The following GRB10 variants were observed in gnomAD, a reference collection of about 807,000 sequenced individuals.
The protein encoded by GRB10 is growth factor receptor bound protein 10.
In GRB10, 20 loss-of-function variants were observed where a neutral mutation model predicts 80.9. The observed-to-expected ratio is 0.25, with a 90% CI of 0.17 to 0.36. The LOEUF (loss-of-function observed/expected upper bound fraction) is 0.36. Ranked by LOEUF, GRB10 falls within the 10% of genes least tolerant of loss-of-function variation. The probability of loss-of-function intolerance (pLI) is 1.00; values close to 1 mark genes in which losing one functional copy is unlikely to be tolerated. For missense variants in GRB10, 548 were observed against 747.7 expected (o/e 0.73, Z 3.12); for synonymous variants, 291 against 291.5 (o/e 1.00, Z 0.02).
upstream of GRB10, among the ~76,000 whole-genome samples, chr7:50,783,436 T>A (rs1408539475): frequency 2.0e-5 from 3 of 150,228 alleles, no homozygotes; most frequent in Admixed American, 2.0e-4. Flanking sequence ...CACACACACC[T>A]CACACACACA....
intron 7 of GRB10, among the ~76,000 whole-genome samples, chr7:50,659,043 C>A (rs1039517703): frequency 6.6e-6 from 1 of 152,194 alleles, no homozygotes; most frequent in Admixed American, 6.5e-5. Context: ...CAATTTAGCA[C>A]CCTTTCCCAA....
chr7:50,742,298 CACACACACACACACACAT>C (rs2072008913), intron 3 of GRB10, among the ~76,000 whole-genome samples: 4 of 78,742 alleles, frequency 5.1e-5, no homozygotes, highest in South Asian at 8.7e-4. Flanking sequence ...CACACACACA[CACACACACACACACACAT>C]ACACGGCATC....
At chr7:50,743,391 A>G (rs561350910) in intron 3 of GRB10, among the ~76,000 whole-genome samples, 6 of 152,218 alleles carry the variant, frequency 3.9e-5, no homozygotes, top group Non-Finnish European at 8.8e-5. Context: ...TCAATACATG[A>G]TCTTGAATCT....
At chr7:50,774,828 CAA>C (rs1259076395) in intron 2 of GRB10, among the ~76,000 whole-genome samples, 1 of 152,058 alleles carries the variant, frequency 6.6e-6, no homozygotes, top group East Asian at 1.9e-4. Flanking sequence ...ATGTGAGACT[CAA>C]AGATGTGTTT....
intron 2 of GRB10, among the ~76,000 whole-genome samples, chr7:50,777,456 A>ACACACACACACACC (rs1562696424): frequency 6.6e-6 from 1 of 151,388 alleles, no homozygotes; most frequent in Non-Finnish European, 1.5e-5. Flanking sequence ...ACACACACAC[A>ACACACACACACACC]CACCATTGCA....
At chr7:50,622,740 A>ATACTAGT (rs2052043386) in intron 8 of GRB10, among the ~76,000 whole-genome samples, 1 of 151,876 alleles carries the variant, frequency 6.6e-6, no homozygotes, top group African/African-American at 2.4e-5. Context: ...GGGCATCAAG[A>ATACTAGT]TACTAGTTTT....
intron 7 of GRB10, among the ~76,000 whole-genome samples, chr7:50,654,104 C>A (rs1206964968): frequency 1.3e-5 from 2 of 152,190 alleles, no homozygotes. Context: ...GAAGAGACAA[C>A]CCCCTTTGCA....
chr7:50,740,872 G>A (rs150821002), intron 3 of GRB10, among the ~76,000 whole-genome samples: 1 of 149,780 alleles, frequency 6.7e-6, no homozygotes, highest in Non-Finnish European at 1.5e-5. Context: ...TTTAAAAAGG[G>A]AGCTAGAAAA....
At chr7:50,656,125 A>T (rs1383295395) in intron 7 of GRB10, among the ~76,000 whole-genome samples, 1 of 152,258 alleles carries the variant, frequency 6.6e-6, no homozygotes, top group Non-Finnish European at 1.5e-5. Flanking sequence ...AGAGAGGAAC[A>T]GAGGACAGTA....
chr7:50,780,241 G>A (rs2078144783), intron 2 of GRB10, among the ~76,000 whole-genome samples: 1 of 152,148 alleles, frequency 6.6e-6, no homozygotes, highest in Non-Finnish European at 1.5e-5. Flanking sequence ...TGAAATATGA[G>A]AAAATATGGT....
At chr7:50,651,121 T>C (rs10261940) in intron 7 of GRB10, among the ~76,000 whole-genome samples, 1 of 152,000 alleles carries the variant, frequency 6.6e-6, no homozygotes. Context: ...CTATTCCTCC[T>C]ACGGTCTGAT....
chr7:50,604,264 T>C (rs1248013356), intron 16 of GRB10, 47 bp downstream of exon 16: 6 of 1,517,732 alleles, frequency 4.0e-6, no homozygotes, highest in South Asian at 2.2e-5. Context: ...GGGGTGCTGT[T>C]TGATTTTCTT....
chr7:50,781,523 C>T (rs1374755091), intron 1 of GRB10: 1 of 152,286 alleles, frequency 6.6e-6, no homozygotes, highest in African/African-American at 2.4e-5. Context: ...GCCTTTCAGA[C>T]TTAAAAAGAA....
At chr7:50,671,467 T>C (rs2060341496) in intron 6 of GRB10, among the ~76,000 whole-genome samples, 2 of 152,236 alleles carry the variant, frequency 1.3e-5, no homozygotes, top group African/African-American at 4.8e-5. Flanking sequence ...GACCAGCAAA[T>C]GATGCATGGA....
At chr7:50,645,558 CAAGAAG>C (rs1280951643) in intron 7 of GRB10, 2 of 975,190 alleles carry the variant, frequency 2.1e-6, no homozygotes, top group African/African-American at 3.5e-5. Flanking sequence ...GGTCTAACAC[CAAGAAG>C]AATAAGTACC....
chr7:50,694,401 G>A (rs1225090880), intron 5 of GRB10, among the ~76,000 whole-genome samples: 3 of 152,194 alleles, frequency 2.0e-5, no homozygotes, highest in South Asian at 2.1e-4. Flanking sequence ...AAGAGTAGGG[G>A]GCTAGGGTCG....
At chr7:50,774,902 C>T (rs1007937824) in intron 2 of GRB10, among the ~76,000 whole-genome samples, 3 of 151,130 alleles carry the variant, frequency 2.0e-5, no homozygotes, top group Non-Finnish European at 2.9e-5. Flanking sequence ...TCAGCACTGT[C>T]GGAGGTTGAG....
intron 7 of GRB10, among the ~76,000 whole-genome samples, chr7:50,631,675 G>T (rs966857045): frequency 3.9e-5 from 6 of 152,220 alleles, no homozygotes; most frequent in African/African-American, 1.4e-4. Flanking sequence ...GTGATATGAG[G>T]TTGTGCATGT....
At chr7:50,788,360 C>T (rs1343428171) in intron 1 of GRB10, among the ~76,000 whole-genome samples, 2 of 152,112 alleles carry the variant, frequency 1.3e-5, no homozygotes, top group African/African-American at 4.8e-5. Flanking sequence ...CCCTCGACTC[C>T]CATGTGAAAG....
Sources: gnomAD v4.1 joint callset for allele counts (sites outside exome capture counted in the v4.1 genomes callset) on GRCh38, gnomAD v4.1.1 for gene constraint, MANE v1.5 for transcripts, NCBI Gene and HGNC (gene_info 2026-07-23, HGNC 2026-07-21) for gene names.